The following BPIFB3 variants were observed in gnomAD, a reference collection of about 807,000 sequenced individuals.
BPIFB3 encodes BPI fold containing family B member 3.
BPIFB3 carries 49 observed loss-of-function variants against 53.1 expected under a neutral mutation model. The ratio of observed to expected loss-of-function variants is 0.92; its 90% CI spans 0.73 to 1.17. BPIFB3 has a LOEUF of 1.17. Ranked by LOEUF, BPIFB3 falls within the 50% of genes most tolerant of loss-of-function variation. The pLI is 0.00. For missense variants in BPIFB3, 628 were observed against 592.5 expected, an observed-to-expected ratio of 1.06 and a Z score of -0.62; for synonymous variants, 271 against 269.6, an observed-to-expected ratio of 1.01 and a Z score of -0.05.
At chr20:33,064,071 G>A (rs1980562700) in intron 6 of BPIFB3, among the ~76,000 whole-genome samples, 1 of 152,212 alleles carries the variant, frequency 6.6e-6, no homozygotes, top group Non-Finnish European at 1.5e-5. Context: ...TGTGCCTTAT[G>A]GAGACACAAG....
upstream of BPIFB3, among the ~76,000 whole-genome samples, chr20:33,055,143 C>G (rs746213787): frequency 4.6e-5 from 7 of 152,184 alleles, no homozygotes; most frequent in Non-Finnish European, 1.0e-4. Context: ...TGGTCTAGTC[C>G]CCTACCCCTT....
At chr20:33,069,819 T>G (rs1980811397) in intron 10 of BPIFB3, 69 bp from the exon 12 acceptor site, 1 of 1,495,822 alleles carries the variant, frequency 6.7e-7, no homozygotes, top group African/African-American at 1.4e-5. Flanking sequence ...AACAGATGGA[T>G]GGAGGCAGAC....
chr20:33,055,822 G>A (rs1463719074), intron 1 of BPIFB3, among the ~76,000 whole-genome samples: 2 of 152,196 alleles, frequency 1.3e-5, no homozygotes, highest in Non-Finnish European at 2.9e-5. Flanking sequence ...ACAGAGTGAG[G>A]TTGAAGAGGT....
chr20:33,063,925 G>A (rs138033912), intron 6 of BPIFB3, among the ~76,000 whole-genome samples: 1 of 152,160 alleles, frequency 6.6e-6, no homozygotes, highest in African/African-American at 2.4e-5. Context: ...CACTTACTGA[G>A]CACCTAGTGT....
intron 10 of BPIFB3, among the ~76,000 whole-genome samples, 155 bp from the exon 12 acceptor site, chr20:33,069,733 A>G (rs1980808026): frequency 6.6e-6 from 1 of 152,170 alleles, no homozygotes; most frequent in Non-Finnish European, 1.5e-5. Context: ...AAAACAGCAA[A>G]ACCTTCAAAT....
At chr20:33,060,100 C>T (rs1980389225) in intron 4 of BPIFB3, 69 bp downstream of exon 5, 1 of 1,564,736 alleles carries the variant, frequency 6.4e-7, no homozygotes, top group Non-Finnish European at 8.7e-7. Context: ...CTGGGCATCT[C>T]CCAGGTCTCC....
chr20:33,071,807 T>A (rs1397891788), intron 12 of BPIFB3, among the ~76,000 whole-genome samples: 5 of 152,156 alleles, frequency 3.3e-5, no homozygotes. Context: ...TTTCCTTCCC[T>A]CTTTCTTAGG....
intron 4 of BPIFB3, among the ~76,000 whole-genome samples, chr20:33,060,855 G>T (rs191857947): frequency 5.3e-5 from 8 of 152,172 alleles, no homozygotes; most frequent in African/African-American, 1.9e-4. Context: ...GTGAGCCACC[G>T]TGCCTGACCT....
chr20:33,066,888 C>T lies in BPIFB3; in HGVS notation c.978+11C>T. ...GCTTTGCTCCCTGAGGTGAGTGACG[C>T]TCTCATGGGTTTTGATCATTGTAGC... On this transcript the variant is annotated intron_variant, in intron 9 of 14. Transcript: ENST00000375494. 1 of 1,613,362 alleles carries T rather than the reference C, an allele frequency of 6.2e-7. No homozygotes were observed. The highest frequency in any genetic ancestry group is 8.5e-7 in the Non-Finnish European group (1 of 1,179,308).
intron 4 of BPIFB3, among the ~76,000 whole-genome samples, chr20:33,060,383 C>CTT (rs1189244136): frequency 2.6e-5 from 4 of 152,106 alleles, no homozygotes; most frequent in Non-Finnish European, 5.9e-5. Flanking sequence ...CCCAACTCTG[C>CTT]CTCTGACTTG....
Position 33,072,174 on chromosome 20 carries a change from C to G in BPIFB3, c.1324+7C>G. The G allele has an allele frequency of 1.9e-6, 3 of 1,614,088 alleles. No homozygotes were observed. Among genetic ancestry groups the G allele is most frequent in the South Asian group, 2.2e-5 (2 of 91,062 alleles). ...TATGCACCAAAGCTTAACGGTATGG[C>G]AGGTTTTGCTCTCTTGGACACATGG... On this transcript the variant is annotated splice_region_variant and intron_variant, in intron 13 of 14. Transcript: ENST00000375494.
chr20:33,064,310 T>C lies in BPIFB3; in HGVS notation c.653-147T>C, dbSNP rs575688400. 105 of 683,330 alleles carry C rather than the reference T, an allele frequency of 1.5e-4. 1 individual carries two copies. The South Asian group carries it at 1.8e-3, about 12-fold the overall frequency. The allele number at this position is 683,330 out of a possible 1,614,324, so 42.3% of individuals were successfully genotyped here. A position where few individuals can be genotyped will look rare whatever the true frequency, so the allele number is the denominator to read the frequency against. ...CCCTGTCTAAGCCTCAATTTCCACA[T>C]CTGTAAAATGGGGATGACAGTAGCA... On this transcript the variant is annotated intron_variant, in intron 6 of 14. Coordinates refer to ENST00000375494, the Ensembl canonical transcript of BPIFB3.
upstream of BPIFB3, chr20:33,055,298 G>A: frequency 7.1e-7 from 1 of 1,410,386 alleles, no homozygotes; most frequent in Non-Finnish European, 9.7e-7. Context: ...GGCTTTCCTG[G>A]GAGTGAAGCT....
At chr20:33,071,889 A>G (rs1980912960) in intron 12 of BPIFB3, among the ~76,000 whole-genome samples, 1 of 152,180 alleles carries the variant, frequency 6.6e-6, no homozygotes, top group Non-Finnish European at 1.5e-5. Flanking sequence ...GCCTGGGGTA[A>G]AGCCAGCCTA....
chr20:33,062,828 C>T (rs1231639202), intron 5 of BPIFB3, among the ~76,000 whole-genome samples: 9 of 152,184 alleles, frequency 5.9e-5, no homozygotes, highest in Admixed American at 1.3e-4. Context: ...TTCTCCATCC[C>T]CAGCAGAGCC....
At position 33,069,864 on chromosome 20, in the gene BPIFB3, C is replaced by A. The variant is rs368161927; in HGVS notation, c.1150-24C>A. The A allele has an allele frequency of 6.3e-5, 101 of 1,614,070 alleles. No homozygotes were observed. The African/African-American group carries it at 1.3e-3, about 21-fold the overall frequency. ...AGCTCCTTCTGCCGATTGGGGGTGA[C>A]TTCTGCCTGCTTTGCCCATGCAGGT... is the stretch of plus-strand genomic sequence containing the variant. On this transcript the variant is annotated intron_variant, in intron 10 of 14. Transcript: ENST00000375494.
chr20:33,073,538 G>A (rs1980986325), intron 14 of BPIFB3, 38 bp from the exon 16 acceptor site: 1 of 1,613,334 alleles, frequency 6.2e-7, no homozygotes, highest in Non-Finnish European at 8.5e-7. Flanking sequence ...GCATTGCAGA[G>A]ACTCAGGGGT....
In BPIFB3 at chr20:33,061,624, C is replaced by G. The variant is rs1461437994; in HGVS notation, c.528-144C>G. The stretch of plus-strand genomic sequence containing the variant: ...CTCGGGAGGAGGAGCCAGGATTTAA[C>G]TCAGGTCTCCAAAGCCGCAGTCAAC... On this transcript the variant is annotated intron_variant, in intron 4 of 14. Transcript: ENST00000375494. 11 of 736,174 alleles carry G rather than the reference C, an allele frequency of 1.5e-5. No individual in the cohort carries two copies. In the South Asian group the frequency reaches 1.5e-4, roughly 10 times the overall value. The allele number at this position is 736,174 out of a possible 1,614,324, so 45.6% of individuals were successfully genotyped here.
At chr20:33,072,259 C>T (rs1386634327) in intron 13 of BPIFB3, 92 bp downstream of exon 14, 2 of 1,345,570 alleles carry the variant, frequency 1.5e-6, no homozygotes, top group Non-Finnish European at 2.1e-6. Context: ...GATGGGGACA[C>T]TGAGGCCAGA....
Sources: allele counts gnomAD v4.1 joint callset (sites outside exome capture counted in the v4.1 genomes callset), GRCh38; gene constraint gnomAD v4.1.1; transcripts MANE v1.5; gene names NCBI Gene and HGNC (gene_info 2026-07-23, HGNC 2026-07-21).